Variants in BCL2L13 observed in about 807,000 individuals in gnomAD.
BCL2L13 encodes the protein BCL2 like 13, also known as bcl-2-like protein 13.
BCL2L13 carries 13 observed loss-of-function variants against 25.8 expected under a neutral mutation model. The observed-to-expected ratio is 0.50, with a 90% CI of 0.33 to 0.80. The LOEUF (loss-of-function observed/expected upper bound fraction) is 0.80. Among genes scored for constraint, BCL2L13 ranks in the 30% least tolerant of loss-of-function variants. The pLI is 0.02. For missense variants in BCL2L13, 504 were observed against 574.9 expected (o/e 0.88, Z 1.26); for synonymous variants, 244 against 230.3 (o/e 1.06, Z -0.54).
intron 1 of BCL2L13, among the ~76,000 whole-genome samples, chr22:17,643,664 G>A (rs1462334401): frequency 3.3e-5 from 5 of 152,082 alleles, no homozygotes; most frequent in African/African-American, 1.2e-4. Context: ...GTCTCACTCT[G>A]TCGCCCAGAC....
At chr22:17,660,615 A>G (rs547496139) in intron 2 of BCL2L13, among the ~76,000 whole-genome samples, 4 of 144,886 alleles carry the variant, frequency 2.8e-5, no homozygotes, top group Admixed American at 6.9e-5. Flanking sequence ...CGTAGAGATC[A>G]GGATTTGCCA....
At chr22:17,705,601 T>C (rs1203954184) in intron 6 of BCL2L13, among the ~76,000 whole-genome samples, 9 of 151,952 alleles carry the variant, frequency 5.9e-5, no homozygotes, top group Admixed American at 5.9e-4. Context: ...CCGGCCGATA[T>C]TGCTTTTTTT....
At chr22:17,721,157 G>A (rs1368936562) in intron 6 of BCL2L13, among the ~76,000 whole-genome samples, 4 of 136,928 alleles carry the variant, frequency 2.9e-5, no homozygotes, top group Non-Finnish European at 4.7e-5. Flanking sequence ...GGGACAGGGC[G>A]AGACTCCGTC....
chr22:17,698,797 C>T (rs533877266), intron 5 of BCL2L13, among the ~76,000 whole-genome samples: 17 of 152,236 alleles, frequency 1.1e-4, no homozygotes, highest in Admixed American at 3.3e-4. Flanking sequence ...TCCCCATTTT[C>T]TTTCCTGCTC....
At chr22:17,700,431 A>G (rs2060399315) in intron 5 of BCL2L13, among the ~76,000 whole-genome samples, 1 of 152,264 alleles carries the variant, frequency 6.6e-6, no homozygotes, top group African/African-American at 2.4e-5. Flanking sequence ...TAACAAGCAT[A>G]AAATATTTAC....
intron 1 of BCL2L13, among the ~76,000 whole-genome samples, chr22:17,651,289 C>G (rs998164998): frequency 1.3e-5 from 2 of 151,906 alleles, no homozygotes; most frequent in Non-Finnish European, 2.9e-5. Context: ...TGAGCCATGG[C>G]GCTGGGCCAT....
At position 17,728,358 on chromosome 22, in the gene BCL2L13, G is replaced by C. The variant is rs1222808600; in HGVS notation, c.*824G>C. ...GAGAAAATCACATGAAGGAGACCTG[G>C]GGTCCCCACTTGTGAGTGCAACTGC... On this transcript the variant is annotated 3_prime_UTR_variant, in exon 7 of 7. Coordinates refer to ENST00000317582, the MANE Select transcript of BCL2L13 (RefSeq NM_015367.4). 2 of 152,178 alleles carry C rather than the reference G, an allele frequency of 1.3e-5. No homozygotes were observed. Among genetic ancestry groups the C allele is most frequent in the African/African-American group, 4.8e-5 (2 of 41,446 alleles). The allele number at this position is 152,178 out of a possible 1,614,324, so 9.4% of individuals were successfully genotyped here.
chr22:17,648,933 AT>A (rs566303976), intron 1 of BCL2L13, among the ~76,000 whole-genome samples: 24 of 151,654 alleles, frequency 1.6e-4, no homozygotes, highest in African/African-American at 4.4e-4. Flanking sequence ...GAGAATATCA[AT>A]TTTTTTTTCT....
intron 6 of BCL2L13, among the ~76,000 whole-genome samples, chr22:17,724,947 G>A (rs1448916447): frequency 6.6e-6 from 1 of 152,172 alleles, no homozygotes; most frequent in Non-Finnish European, 1.5e-5. Flanking sequence ...TCATATGTCA[G>A]GCTTCACAGC....
intron 4 of BCL2L13, chr22:17,692,523 A>G (rs2060133764): frequency 6.6e-6 from 1 of 152,230 alleles, no homozygotes; most frequent in South Asian, 2.1e-4. Context: ...CTGAAGTTCA[A>G]GGTTTACACG....
At chr22:17,673,106 ATTC>A (rs556999428) in intron 2 of BCL2L13, among the ~76,000 whole-genome samples, 41 of 152,262 alleles carry the variant, frequency 2.7e-4, no homozygotes, top group African/African-American at 9.6e-4. Flanking sequence ...GAAGTCTCAT[ATTC>A]TTTATGTAAT....
intron 2 of BCL2L13, among the ~76,000 whole-genome samples, chr22:17,665,064 G>C (rs2059194344): frequency 6.6e-6 from 1 of 152,196 alleles, no homozygotes; most frequent in South Asian, 2.1e-4. Flanking sequence ...CCTAGAAAAT[G>C]GAGTTTTCTT....
In BCL2L13 at chr22:17,728,360, G is replaced by A. The variant is rs1319460058; in HGVS notation, c.*826G>A. On this transcript the variant is annotated 3_prime_UTR_variant, in exon 7 of 7. Coordinates refer to ENST00000317582, the MANE Select transcript of BCL2L13 (RefSeq NM_015367.4). ...GAAAATCACATGAAGGAGACCTGGG[G>A]TCCCCACTTGTGAGTGCAACTGCAA... 1 of 152,176 alleles carries A rather than the reference G, an allele frequency of 6.6e-6. No individual in the cohort carries two copies. Among genetic ancestry groups the A allele is most frequent in the Non-Finnish European group, 1.5e-5 (1 of 68,038 alleles). 9.4% of individuals were successfully genotyped at this position (152,176 alleles called of 1,614,324 possible).
At chr22:17,647,449 C>T (rs1451267013) in intron 1 of BCL2L13, among the ~76,000 whole-genome samples, 2 of 152,024 alleles carry the variant, frequency 1.3e-5, no homozygotes, top group African/African-American at 4.8e-5. Flanking sequence ...TTCCCCCCGT[C>T]CATTCTCAAA....
At chr22:17,673,464 T>G (rs1480293910) in intron 2 of BCL2L13, among the ~76,000 whole-genome samples, 1 of 151,406 alleles carries the variant, frequency 6.6e-6, no homozygotes, top group East Asian at 1.9e-4. Context: ...GCCTCCCAGA[T>G]TCATGCCATT....
At chr22:17,706,678 G>A (rs575623772) in intron 6 of BCL2L13, 61 of 1,324,308 alleles carry the variant, frequency 4.6e-5, no homozygotes, top group African/African-American at 2.7e-4. Flanking sequence ...CCTGCAGCCC[G>A]GTGAGGGCAC....
At chr22:17,641,890 C>T (rs1361814575) in intron 1 of BCL2L13, among the ~76,000 whole-genome samples, 10 of 150,298 alleles carry the variant, frequency 6.7e-5, no homozygotes, top group Non-Finnish European at 1.2e-4. Flanking sequence ...AGCTCCGCCT[C>T]CCGGGTTGAC....
chr22:17,716,461 G>A (rs1428964214), intron 6 of BCL2L13, among the ~76,000 whole-genome samples: 1 of 152,156 alleles, frequency 6.6e-6, no homozygotes, highest in Non-Finnish European at 1.5e-5. Context: ...GGCACAATGA[G>A]TAACCTGCCA....
intron 3 of BCL2L13, 106 bp downstream of exon 3, chr22:17,683,427 C>A: frequency 1.6e-6 from 1 of 633,626 alleles, no homozygotes; most frequent in Non-Finnish European, 2.7e-6. Flanking sequence ...CAGTTAACAA[C>A]TTACACCAAT....
Sources: allele counts gnomAD v4.1 joint callset (sites outside exome capture counted in the v4.1 genomes callset), GRCh38; gene constraint gnomAD v4.1.1; transcripts MANE v1.5; gene names NCBI Gene and HGNC (gene_info 2026-07-23, HGNC 2026-07-21).